Variants in PCDHGA7 observed in about 807,000 individuals in gnomAD.
PCDHGA7 encodes the protein protocadherin gamma subfamily A, 7, also known as protocadherin gamma-A7.
PCDHGA7 carries 44 observed loss-of-function variants against 58.3 expected under a neutral mutation model. The observed-to-expected ratio is 0.75, with a 90% confidence interval of 0.59 to 0.97. The LOEUF (loss-of-function observed/expected upper bound fraction) is 0.97. Among genes scored for constraint, PCDHGA7 ranks in the 50% least tolerant of loss-of-function variants. The probability of loss-of-function intolerance (pLI) is 0.00; values close to 1 mark genes in which losing one functional copy is unlikely to be tolerated. For synonymous variants in PCDHGA7, 516 were observed against 504.2 expected (o/e 1.02, Z -0.31); for missense variants, 1,266 against 1,188.7 (o/e 1.06, Z -0.96).
At chr5:141,394,754 G>A (rs753264235) in intron 1 of PCDHGA7, 3 of 1,613,428 alleles carry the variant, frequency 1.9e-6, no homozygotes, top group African/African-American at 2.7e-5. Flanking sequence ...TGGCCGTCCA[G>A]GACCATGGCC....
rs138608867 is a variant in PCDHGA7 at position 141,477,655 on chromosome 5, T to C, written c.2425-17152T>C. 5.0e-3 allele frequency: 8,034 copies of C among 1,614,186 alleles called. 44 individuals carry two copies. The highest frequency in any genetic ancestry group is 9.4e-3 in the Admixed American group (567 of 60,020). On this transcript the variant is annotated intron_variant, in intron 1 of 3. Coordinates refer to ENST00000518325, the MANE Select transcript of PCDHGA7 (RefSeq NM_018920.4). The surrounding 1 kb of genome is among the most constrained non-coding windows in gnomAD (Gnocchi z 4.9). ...TAGTGGGTCGCTATTTCACAATAAA[T>C]CGTGACAATGGCATAGTGTCATCCT...
At chr5:141,498,971 GGGAAGGAA>G (rs201769957) in intron 2 of PCDHGA7, among the ~76,000 whole-genome samples, 18,877 of 110,786 alleles carry the variant, frequency 0.17, 1,784 homozygotes, top group Admixed American at 0.31. Context: ...GAGGGAGGGA[GGGAAGGAA>G]GGAAGGAAGG....
chr5:141,383,233 G>T lies in PCDHGA7; in HGVS notation c.334G>T (p.Asp112Tyr). 1 of 1,613,972 alleles carries T rather than the reference G, an allele frequency of 6.2e-7. No homozygotes were observed. Residue 112 changes from aspartate to tyrosine, a missense_variant, in exon 1 of 4, where the codon GAT (aspartate) becomes TAT (tyrosine). Coordinates refer to ENST00000518325, the MANE Select transcript of PCDHGA7 (RefSeq NM_018920.4). ...GGTAAACTTTAACATCCTGATGGAA[G>T]ATAAAATGAATCTTTACCCTATAGA... ...CLVNFNILME[D>Y]KMNLYPIDVE...
At position 141,432,995 on chromosome 5, in the gene PCDHGA7, G is replaced by A. The variant is rs576866505; in HGVS notation, c.2424+47672G>A. On this transcript the variant is annotated intron_variant, in intron 1 of 3. Transcript: ENST00000518325. This position sits in a 1 kb window ranked among gnomAD's most constrained non-coding sequence, Gnocchi z 6.0. ...GTCGCACTTTGTGGGCGTGGACGGGGTGCAGGCTTTCCTGCAGACCTATTC... is the reference window on the plus strand; with the variant it reads ...GTCGCACTTTGTGGGCGTGGACGGGATGCAGGCTTTCCTGCAGACCTATTC... The A allele has an allele frequency of 1.2e-6, 2 of 1,614,226 alleles. No individual in the cohort carries two copies. The highest frequency in any genetic ancestry group is 3.3e-5 in the Admixed American group (2 of 60,028).
chr5:141,390,837 T>C (rs1299248607), intron 1 of PCDHGA7: 1 of 163,140 alleles, frequency 6.1e-6, no homozygotes. Flanking sequence ...ATGGACCCCT[T>C]GTGATTATAT....
chr5:141,400,728 T>C, intron 1 of PCDHGA7: 1 of 648,188 alleles, frequency 1.5e-6, no homozygotes. Context: ...ATTTACAAAG[T>C]AGTGAGAGTT....
Position 141,409,638 on chromosome 5 carries a change from C to T in PCDHGA7, c.2424+24315C>T, listed in dbSNP as rs1040366842. The T allele has an allele frequency of 3.1e-6, 5 of 1,613,648 alleles. No homozygotes were observed. The highest frequency in any genetic ancestry group is 1.7e-5 in the Admixed American group (1 of 60,006). ...ATTGCGCAAGTGAGCGCCTCTGACC[C>T]GGATTTGGGGCTCAATGGCCACATC... On this transcript the variant is annotated intron_variant, in intron 1 of 3. Coordinates refer to ENST00000518325, the MANE Select transcript of PCDHGA7 (RefSeq NM_018920.4).
intron 1 of PCDHGA7, chr5:141,433,239 G>A: frequency 1.3e-6 from 2 of 1,494,126 alleles, no homozygotes; most frequent in Non-Finnish European, 1.8e-6. Context: ...TGTCTCCCAA[G>A]CTGGAATGCA....
chr5:141,456,678 T>C (rs2098875796), intron 1 of PCDHGA7, among the ~76,000 whole-genome samples: 1 of 152,152 alleles, frequency 6.6e-6, no homozygotes, highest in South Asian at 2.1e-4. Flanking sequence ...TAAAAATGCA[T>C]TACTGGCCAG....
intron 1 of PCDHGA7, chr5:141,410,165 T>G: frequency 1.9e-6 from 3 of 1,613,714 alleles, no homozygotes; most frequent in Non-Finnish European, 2.5e-6. Flanking sequence ...GCCGCCACTC[T>G]CTGCCACCGC....
intron 1 of PCDHGA7, chr5:141,400,310 G>C: frequency 6.2e-7 from 1 of 1,614,084 alleles, no homozygotes; most frequent in African/African-American, 1.3e-5. Context: ...CCTGGTCTCT[G>C]TGTCAAGTCT....
At chr5:141,469,511 G>T (rs2099203340) in intron 1 of PCDHGA7, among the ~76,000 whole-genome samples, 2 of 152,038 alleles carry the variant, frequency 1.3e-5, no homozygotes, top group South Asian at 2.1e-4. Flanking sequence ...GGAGGTGGAG[G>T]TTGCAGTGAG....
chr5:141,482,661 T>G (rs1215403061), intron 1 of PCDHGA7, among the ~76,000 whole-genome samples: 1 of 151,742 alleles, frequency 6.6e-6, no homozygotes, highest in Non-Finnish European at 1.5e-5. Flanking sequence ...TGAGCTATGA[T>G]CTAAAGGTTG....
At chr5:141,409,405 C>T in intron 1 of PCDHGA7, 1 of 1,614,050 alleles carries the variant, frequency 6.2e-7, no homozygotes, top group Non-Finnish European at 8.5e-7. Context: ...CCAATAACTA[C>T]TACAAACTGG....
At chr5:141,393,194 C>A in intron 1 of PCDHGA7, 2 of 1,613,362 alleles carry the variant, frequency 1.2e-6, no homozygotes, top group Non-Finnish European at 1.7e-6. Context: ...TTGATATTAA[C>A]GATAATAACC....
intron 1 of PCDHGA7, chr5:141,390,211 A>C (rs2092083901): frequency 6.2e-7 from 1 of 1,613,936 alleles, no homozygotes. Context: ...TCAGGACAAG[A>C]CATACTTTGC....
rs1419365808 is a variant in PCDHGA7 at position 141,477,321 on chromosome 5, C to G, written c.2425-17486C>G. 1.2e-6 allele frequency: 2 copies of G among 1,614,160 alleles called. No homozygotes were observed. Among genetic ancestry groups the G allele is most frequent in the East Asian group, 4.5e-5 (2 of 44,874 alleles). On this transcript the variant is annotated intron_variant, in intron 1 of 3. Coordinates refer to ENST00000518325, the MANE Select transcript of PCDHGA7 (RefSeq NM_018920.4). The surrounding 1 kb of genome is among the most constrained non-coding windows in gnomAD (Gnocchi z 4.9). Reference sequence around the variant, plus strand: ...GGTCTCCCTTTCAGCCTTACTTCTTCCCTCAAGAATTACTTCACTTTGAAA... The same window carrying G: ...GGTCTCCCTTTCAGCCTTACTTCTTGCCTCAAGAATTACTTCACTTTGAAA...
intron 1 of PCDHGA7, among the ~76,000 whole-genome samples, chr5:141,448,040 C>T (rs892207188): frequency 6.6e-6 from 1 of 151,850 alleles, no homozygotes; most frequent in Admixed American, 6.6e-5. Context: ...GAGCCAAGAT[C>T]ATGCCATTGC....
Position 141,489,857 on chromosome 5 carries a change from C to T in PCDHGA7, c.2425-4950C>T. 2 of 1,614,166 alleles carry T rather than the reference C, an allele frequency of 1.2e-6. No individual in the cohort carries two copies. On this transcript the variant is annotated intron_variant, in intron 1 of 3. Coordinates refer to ENST00000518325, the MANE Select transcript of PCDHGA7 (RefSeq NM_018920.4). This position sits in a 1 kb window ranked among gnomAD's most constrained non-coding sequence, Gnocchi z 4.5. ...CAGCAGCTGGATCGTGAAGCCCAGGCAAGACATCAGCTGGTGCTTACTGCT... is the reference window on the plus strand; with the variant it reads ...CAGCAGCTGGATCGTGAAGCCCAGGTAAGACATCAGCTGGTGCTTACTGCT...
Sources: allele counts gnomAD v4.1 joint callset (sites outside exome capture counted in the v4.1 genomes callset), GRCh38; gene constraint gnomAD v4.1.1; non-coding constraint Gnocchi (gnomAD v3.1); transcripts MANE v1.5; gene names NCBI Gene and HGNC (gene_info 2026-07-23, HGNC 2026-07-21).